KCNIP4: variants seen among roughly 807,000 people sequenced by gnomAD.
KCNIP4 encodes the protein potassium voltage-gated channel interacting protein 4.
KCNIP4 carries 12 observed loss-of-function variants against 34.0 expected under a neutral mutation model. That is an observed-to-expected ratio of 0.35 (90% CI 0.23 to 0.57). The LOEUF is 0.57. Among genes scored for constraint, KCNIP4 ranks in the 20% least tolerant of loss-of-function variants. The pLI, the probability that KCNIP4 is intolerant of heterozygous loss-of-function variation, is 0.83. For synonymous variants in KCNIP4, 124 were observed against 102.2 expected, an observed-to-expected ratio of 1.21 and a Z score of -1.29; for missense variants, 238 against 311.7, an observed-to-expected ratio of 0.76 and a Z score of 1.78.
chr4:21,206,541 T>C (rs1430162070), intron 1 of KCNIP4, among the ~76,000 whole-genome samples: 1 of 152,196 alleles, frequency 6.6e-6, no homozygotes, highest in Admixed American at 6.6e-5. Context: ...GGGGGATGGC[T>C]TCTTGCTAAA....
At chr4:20,731,021 AAG>A (rs758668729) in intron 8 of KCNIP4, among the ~76,000 whole-genome samples, 12 of 152,212 alleles carry the variant, frequency 7.9e-5, no homozygotes, top group Non-Finnish European at 1.5e-4. Flanking sequence ...TTTAAAAATA[AAG>A]AGAAAAACTA....
chr4:21,062,597 G>C (rs916757662), intron 1 of KCNIP4, among the ~76,000 whole-genome samples: 1 of 151,660 alleles, frequency 6.6e-6, no homozygotes, highest in African/African-American at 2.4e-5. Flanking sequence ...CAATTATAGA[G>C]TCAAACAAAT....
chr4:20,843,504 C>T lies in KCNIP4; in HGVS notation c.288+7039G>A, dbSNP rs544921581. On this transcript the variant is annotated intron_variant, in intron 3 of 8. Coordinates refer to ENST00000382152, the MANE Select transcript of KCNIP4 (RefSeq NM_025221.6). ...CAGCACTTTGGGAGGTGGAGGCAGG[C>T]GGATCACCTGAGGTCAGGATTTCTA... 2.9e-3 allele frequency among the ~76,000 whole-genome samples: 439 copies of T among 152,114 alleles called. 11 individuals are homozygous for T. The highest frequency in any genetic ancestry group is 6.5e-4 in the Non-Finnish European group (44 of 67,984).
intron 1 of KCNIP4, among the ~76,000 whole-genome samples, chr4:21,629,716 T>C (rs1217623564): frequency 6.6e-6 from 1 of 152,158 alleles, no homozygotes; most frequent in Non-Finnish European, 1.5e-5. Context: ...TAGATTCTTT[T>C]TGACTAGAAA....
chr4:21,390,964 T>C (rs1722507285), intron 1 of KCNIP4, among the ~76,000 whole-genome samples: 1 of 152,190 alleles, frequency 6.6e-6, no homozygotes, highest in African/African-American at 2.4e-5. Context: ...TCCATATACT[T>C]GCCAACATTT....
chr4:21,649,909 T>C (rs923979335), intron 1 of KCNIP4, among the ~76,000 whole-genome samples: 2 of 152,204 alleles, frequency 1.3e-5, no homozygotes, highest in Non-Finnish European at 2.9e-5. Flanking sequence ...GAGGGTCATA[T>C]TTTATCACAG....
Position 21,894,656 on chromosome 4 carries a change from G to T in KCNIP4, c.61+53915C>A, listed in dbSNP as rs1021457031. On this transcript the variant is annotated intron_variant, in intron 1 of 8. Transcript: ENST00000382152. ...AGCAAACATTAAAAATTTACATTCT[G>T]ATTAGTGTTATTTTATCACTTATAA... is the stretch of plus-strand genomic sequence containing the variant. 2.6e-5 allele frequency among the ~76,000 whole-genome samples: 4 copies of T among 152,100 alleles called. No homozygotes were observed. In the South Asian group the frequency reaches 6.2e-4, roughly 24 times the overall value.
chr4:21,312,431 T>G (rs1321839522), intron 1 of KCNIP4, among the ~76,000 whole-genome samples: 1 of 152,140 alleles, frequency 6.6e-6, no homozygotes, highest in Non-Finnish European at 1.5e-5. Context: ...ATGCAGGACT[T>G]CTCTGGACCA....
intron 4 of KCNIP4, among the ~76,000 whole-genome samples, chr4:20,753,976 G>T (rs1405271654): frequency 6.6e-6 from 1 of 152,096 alleles, no homozygotes; most frequent in East Asian, 1.9e-4. Context: ...GACAACATAA[G>T]TGCATTCCTA....
At chr4:20,849,966 C>T (rs11728803) in intron 3 of KCNIP4, among the ~76,000 whole-genome samples, 21,775 of 152,166 alleles carry the variant, frequency 0.14, 1,625 homozygotes, top group Middle Eastern at 0.21. Context: ...CTTTCTCTCA[C>T]CCCACCCTCT....
At chr4:21,220,435 G>A (rs1289661878) in intron 1 of KCNIP4, among the ~76,000 whole-genome samples, 2 of 152,146 alleles carry the variant, frequency 1.3e-5, no homozygotes, top group African/African-American at 4.8e-5. Context: ...GGGAGGGATA[G>A]CGTTAGGAGA....
At chr4:21,805,588 A>C (rs553126601) in intron 1 of KCNIP4, among the ~76,000 whole-genome samples, 2 of 152,244 alleles carry the variant, frequency 1.3e-5, no homozygotes, top group African/African-American at 4.8e-5. Flanking sequence ...AAAATGGACT[A>C]ATACCTGTAT....
intron 1 of KCNIP4, among the ~76,000 whole-genome samples, chr4:21,517,298 T>G (rs1301398315): frequency 6.6e-6 from 1 of 152,080 alleles, no homozygotes; most frequent in Non-Finnish European, 1.5e-5. Context: ...AGGTATGAAG[T>G]ATTTTTCTCC....
In KCNIP4 at chr4:21,099,668, T is replaced by C. The variant is rs566326721; in HGVS notation, c.62-216959A>G. On this transcript the variant is annotated intron_variant, in intron 1 of 8. Transcript: ENST00000382152. ...GAAAGAAATAAATTTCTTAATGTTA[T>C]AGCTGCCATGAAAAGTGAGTCCTCT... 3.9e-5 allele frequency among the ~76,000 whole-genome samples: 6 copies of C among 152,264 alleles called. No individual in the cohort carries two copies. The East Asian group carries it at 1.2e-3, about 29-fold the overall frequency.
rs200891141 is a variant in KCNIP4, at chr4:21,015,443, ATATAT to A, written c.62-132739_62-132735del. 8.2e-3 allele frequency among the ~76,000 whole-genome samples: 1,154 copies of A among 141,548 alleles called. 12 individuals carry two copies. Among genetic ancestry groups the A allele is most frequent in the African/African-American group, 0.023 (900 of 38,546 alleles). 92.9% of individuals were successfully genotyped at this position (141,548 alleles called of 152,430 possible). On this transcript the variant is annotated intron_variant, in intron 1 of 8. Transcript: ENST00000382152. ...TATATATCATGGTTATATATAATAT[ATATAT>A]TATATCATATAATATATAACCATAT...
At chr4:20,844,929 AT>A (rs11347959) in intron 3 of KCNIP4, among the ~76,000 whole-genome samples, 2,659 of 152,256 alleles carry the variant, frequency 0.017, 73 homozygotes, top group African/African-American at 0.057. Flanking sequence ...TCTTCATGAA[AT>A]TGCCCAAGGA....
chr4:21,458,944 A>C (rs982631289), intron 1 of KCNIP4, among the ~76,000 whole-genome samples: 5 of 151,908 alleles, frequency 3.3e-5, no homozygotes, highest in African/African-American at 1.2e-4. Flanking sequence ...CCCATTCTTC[A>C]CCTGTGCACA....
intron 1 of KCNIP4, among the ~76,000 whole-genome samples, chr4:21,142,551 T>C (rs748480558): frequency 1.3e-5 from 2 of 152,146 alleles, no homozygotes; most frequent in African/African-American, 2.4e-5. Flanking sequence ...GAAATGTGAT[T>C]TTCAATCAGG....
Position 21,021,270 on chromosome 4 carries a change from T to C in KCNIP4, c.62-138561A>G, listed in dbSNP as rs1740007354. ...ATAGCACATTTACTGTGAATGGAGC[T>C]TGTAGGACTGGAAGTTGCTTTGAGT... On this transcript the variant is annotated intron_variant, in intron 1 of 8. Coordinates refer to ENST00000382152, the MANE Select transcript of KCNIP4 (RefSeq NM_025221.6). 1.3e-5 allele frequency among the ~76,000 whole-genome samples: 2 copies of C among 152,198 alleles called. 1 individual carries two copies. The highest frequency in any genetic ancestry group is 4.1e-4 in the South Asian group (2 of 4,832).
Sources: allele counts gnomAD v4.1 joint callset (sites outside exome capture counted in the v4.1 genomes callset), GRCh38; gene constraint gnomAD v4.1.1; transcripts MANE v1.5; gene names NCBI Gene and HGNC (gene_info 2026-07-23, HGNC 2026-07-21).